ENO1: variants seen among roughly 807,000 people sequenced by gnomAD.
ENO1 encodes enolase 1.
A neutral mutation model predicts 46.3 loss-of-function variants in ENO1; 33 were observed. The observed-to-expected ratio is 0.71, with a 90% CI of 0.54 to 0.95. The LOEUF is 0.95. Among genes scored for constraint, ENO1 ranks in the 40% least tolerant of loss-of-function variants. The probability of loss-of-function intolerance (pLI) is 0.00; values close to 1 mark genes in which losing one functional copy is unlikely to be tolerated. For missense variants in ENO1, 488 were observed against 553.3 expected (o/e 0.88, Z 1.18); for synonymous variants, 220 against 216.0 (o/e 1.02, Z -0.16).
At chr1:8,871,782 C>G in intron 3 of ENO1, 109 bp downstream of exon 3, 1 of 1,322,992 alleles carries the variant, frequency 7.6e-7, no homozygotes, top group Non-Finnish European at 1.1e-6. Flanking sequence ...GCAGGTTTAC[C>G]TGCCATAAAC....
At chr1:8,874,483 CAG>C (rs1308872031) in intron 2 of ENO1, among the ~76,000 whole-genome samples, 1 of 132,706 alleles carries the variant, frequency 7.5e-6, no homozygotes, top group Non-Finnish European at 1.5e-5. Flanking sequence ...GAGGCTGAGA[CAG>C]AAGAATTGCT....
chr1:8,874,766 A>G (rs993291812), intron 2 of ENO1, 58 bp downstream of exon 2: 5 of 1,505,386 alleles, frequency 3.3e-6, no homozygotes, highest in Non-Finnish European at 4.5e-6. Flanking sequence ...ATTTGTAGAA[A>G]ATTTTTAAAA....
At chr1:8,865,538 C>A in intron 7 of ENO1, 56 bp from the exon 8 acceptor site, 1 of 1,554,378 alleles carries the variant, frequency 6.4e-7, no homozygotes, top group East Asian at 2.3e-5. Context: ...GAGAAAACTT[C>A]CCTTCAACAG....
At chr1:8,871,484 C>T (rs1435192346) in intron 3 of ENO1, 1 of 1,012,502 alleles carries the variant, frequency 9.9e-7, no homozygotes. Flanking sequence ...TTGGTTAGAC[C>T]TTCCCTGGAT....
At chr1:8,866,256 G>T (rs1220620144) in intron 7 of ENO1, 23 bp downstream of exon 7, 2 of 1,610,756 alleles carry the variant, frequency 1.2e-6, no homozygotes, top group Non-Finnish European at 1.7e-6. Context: ...CTGGGTGGGG[G>T]GGCGGTTCCC....
At chr1:8,863,181 G>C in intron 10 of ENO1, 54 bp downstream of exon 10, 3 of 1,592,722 alleles carry the variant, frequency 1.9e-6, no homozygotes, top group Non-Finnish European at 2.6e-6. Flanking sequence ...ACTGGTTTTG[G>C]GTCTTCCTAG....
intron 3 of ENO1, chr1:8,871,586 T>C: frequency 8.6e-7 from 1 of 1,156,930 alleles, no homozygotes; most frequent in Non-Finnish European, 1.1e-6. Flanking sequence ...TAACAGGCCC[T>C]GTTCTCATGC....
At chr1:8,867,842 T>A in intron 5 of ENO1, 146 bp downstream of exon 5, 1 of 779,826 alleles carries the variant, frequency 1.3e-6, no homozygotes, top group East Asian at 2.6e-5. Flanking sequence ...AAGTGTGATT[T>A]CTTAAGAGTA....
intron 2 of ENO1, among the ~76,000 whole-genome samples, chr1:8,872,540 G>A (rs1371450994): frequency 6.6e-6 from 1 of 151,966 alleles, no homozygotes; most frequent in East Asian, 1.9e-4. Context: ...CTGCCACCAC[G>A]CCCGGCTAGT....
intron 4 of ENO1, among the ~76,000 whole-genome samples, chr1:8,869,738 TTAG>T: frequency 6.6e-6 from 1 of 152,100 alleles, no homozygotes; most frequent in Non-Finnish European, 1.5e-5. Flanking sequence ...TTTTGTACTT[TTAG>T]TAGAGATAGG....
chr1:8,874,812 G>T lies in ENO1; in HGVS notation c.85+12C>A. ...TGGAAGGAACCATGGAAACCAAGGA[G>T]GTGGCACATACCTTTTGAGGTGAAG... On this transcript the variant is annotated intron_variant, in intron 2 of 11. Coordinates refer to ENST00000234590, the MANE Select transcript of ENO1 (RefSeq NM_001428.5). 6.2e-7 allele frequency: 1 copy of T among 1,609,612 alleles called. No individual in the cohort carries two copies. Among genetic ancestry groups the T allele is most frequent in the African/African-American group, 1.3e-5 (1 of 74,770 alleles).
chr1:8,868,728 A>C (rs1314727271), intron 4 of ENO1, among the ~76,000 whole-genome samples: 2 of 152,200 alleles, frequency 1.3e-5, no homozygotes, highest in Non-Finnish European at 2.9e-5. Flanking sequence ...TTCTGTTGCC[A>C]AGGCAGGAAT....
At chr1:8,867,724 G>T (rs1420809206) in intron 5 of ENO1, among the ~76,000 whole-genome samples, 2 of 152,016 alleles carry the variant, frequency 1.3e-5, no homozygotes, top group Non-Finnish European at 2.9e-5. Context: ...TGGAGACGGG[G>T]TTTCACCACG....
intron 4 of ENO1, 168 bp downstream of exon 4, chr1:8,870,284 C>T (rs371206621): frequency 5.8e-5 from 45 of 771,328 alleles, no homozygotes; most frequent in Middle Eastern, 7.2e-4. Flanking sequence ...GGTGAGGCAG[C>T]GGGCAGGTTA....
rs1039305805 is a variant in ENO1, at chr1:8,871,322, C to A, written c.181+569G>T. ...CTTTTCTGTAATTTGGCCACATGTT[C>A]TATCTCTAGAAAGGTCAATGTTGCA... On this transcript the variant is annotated intron_variant, in intron 3 of 11. Transcript: ENST00000234590. 4.0e-6 allele frequency: 4 copies of A among 992,416 alleles called. No homozygotes were observed. In the African/African-American group the frequency reaches 7.0e-5, roughly 17 times the overall value. The allele number at this position is 992,416 out of a possible 1,614,324, so 61.5% of individuals were successfully genotyped here. A position where few individuals can be genotyped will look rare whatever the true frequency, so the allele number is the denominator to read the frequency against.
chr1:8,867,123 T>C lies in ENO1; in HGVS notation c.438A>G (p.Pro146=). 1 of 1,613,484 alleles carries C rather than the reference T, an allele frequency of 6.2e-7. No homozygotes were observed. ...DLAGNSEVIL[P]VPAFNVINGG... ...GTTCCAATAAACCACTCACCGGGAC[T>C]GGCAGGATGACTTCAGAGTTGCCAG... is the stretch of plus-strand genomic sequence containing the variant. Residue 146 remains proline, a synonymous_variant, in exon 6 of 12, where the codon CCA becomes CCG. Coordinates refer to ENST00000234590, the MANE Select transcript of ENO1 (RefSeq NM_001428.5).
intron 1 of ENO1, chr1:8,877,876 C>CA (rs34081530): frequency 8.1e-4 from 115 of 141,518 alleles, no homozygotes; most frequent in South Asian, 5.5e-3. Flanking sequence ...TAGCAAAACT[C>CA]AAAAAAAAAA....
At chr1:8,871,679 C>T in intron 3 of ENO1, 4 of 1,359,718 alleles carry the variant, frequency 2.9e-6, no homozygotes, top group Non-Finnish European at 2.9e-6. Context: ...AACTCTCGAC[C>T]CAGAGCATGC....
chr1:8,871,519 A>C, intron 3 of ENO1: 1 of 1,033,370 alleles, frequency 9.7e-7, no homozygotes, highest in Non-Finnish European at 1.2e-6. Context: ...GAAGAGGCTG[A>C]TGATCTCTGG....
Sources: allele counts gnomAD v4.1 joint callset (sites outside exome capture counted in the v4.1 genomes callset), GRCh38; gene constraint gnomAD v4.1.1; transcripts MANE v1.5; gene names NCBI Gene and HGNC (gene_info 2026-07-23, HGNC 2026-07-21).